PRKAR1B: variants seen among roughly 807,000 people sequenced by gnomAD.
PRKAR1B encodes protein kinase cAMP-dependent type I regulatory subunit beta.
Under a neutral mutation model 46.5 loss-of-function variants are expected in PRKAR1B, and 22 were observed. The observed-to-expected ratio is 0.47, with a 90% confidence interval of 0.34 to 0.68. The LOEUF (loss-of-function observed/expected upper bound fraction) is 0.68, where lower values mean the gene tolerates loss of function less well. PRKAR1B is among the 30% of genes least tolerant of loss of function. The pLI, the probability that PRKAR1B is intolerant of heterozygous loss-of-function variation, is 0.01. For missense variants in PRKAR1B, 445 were observed against 535.6 expected (o/e 0.83, Z 1.67); for synonymous variants, 259 against 217.7 (o/e 1.19, Z -1.67).
chr7:616,114 T>G (rs1049153186), intron 4 of PRKAR1B, among the ~76,000 whole-genome samples: 39 of 151,570 alleles, frequency 2.6e-4, no homozygotes, highest in Admixed American at 2.5e-3. Context: ...TGCCCGCGGG[T>G]GCACACGCAG....
chr7:714,893 T>G lies in PRKAR1B; in HGVS notation c.-22-3366A>C, dbSNP rs2128531884. On this transcript the variant is annotated intron_variant, in intron 1 of 10. Coordinates refer to ENST00000537384, the MANE Select transcript of PRKAR1B (RefSeq NM_001164760.2). This position sits in a 1 kb window ranked among gnomAD's most constrained non-coding sequence, Gnocchi z 4.3. ...TGGACTTCCCAATTATGTTCATCAA[T>G]AAATACCTTTGGCCGGATGCGGTGG... is the stretch of plus-strand genomic sequence containing the variant. Among the ~76,000 whole-genome samples, 1 of 152,278 alleles carries G rather than the reference T, an allele frequency of 6.6e-6. No homozygotes were observed. Among genetic ancestry groups the G allele is most frequent in the South Asian group, 2.1e-4 (1 of 4,818 alleles).
chr7:615,481 A>G (rs1380829781), intron 4 of PRKAR1B, among the ~76,000 whole-genome samples: 1 of 150,988 alleles, frequency 6.6e-6, no homozygotes, highest in Non-Finnish European at 1.5e-5. Context: ...GGAAAGAAAG[A>G]AGAGAAAAGA....
At chr7:664,999 T>G (rs1483538383) in intron 4 of PRKAR1B, among the ~76,000 whole-genome samples, 2 of 152,204 alleles carry the variant, frequency 1.3e-5, no homozygotes, top group African/African-American at 2.4e-5. Context: ...CTGGGGGAAG[T>G]GGTAAGAAAG....
rs8382 is a variant in PRKAR1B at position 550,149 on chromosome 7, G to A, written c.*281C>T. 9.3e-6 allele frequency: 4 copies of A among 427,960 alleles called. No individual in the cohort carries two copies. Among genetic ancestry groups the A allele is most frequent in the African/African-American group, 6.2e-5 (3 of 48,618 alleles). The allele number at this position is 427,960 out of a possible 1,614,324, so 26.5% of individuals were successfully genotyped here. A position where few individuals can be genotyped will look rare whatever the true frequency, so the allele number is the denominator to read the frequency against. On this transcript the variant is annotated 3_prime_UTR_variant, in exon 11 of 11. Transcript: ENST00000537384. The stretch of plus-strand genomic sequence containing the variant: ...GGCAGGGGTGGGGTGGGCCCCCCAG[G>A]AGAAGCCCACAGAGGCAGCCGGGGA...
intron 9 of PRKAR1B, among the ~76,000 whole-genome samples, chr7:551,907 C>T (rs80240937): frequency 5.0e-4 from 60 of 119,404 alleles, no homozygotes; most frequent in Middle Eastern, 0.012. Context: ...TCTCCAGAGC[C>T]ACTGCCACCA....
chr7:600,886 AT>A (rs1388494060), intron 6 of PRKAR1B, among the ~76,000 whole-genome samples: 38 of 152,390 alleles, frequency 2.5e-4, no homozygotes, highest in African/African-American at 9.1e-4. Context: ...ATTGGAAGAT[AT>A]TTTTATACTT....
intron 4 of PRKAR1B, among the ~76,000 whole-genome samples, chr7:654,622 C>T (rs1276256352): frequency 6.6e-6 from 1 of 151,966 alleles, no homozygotes; most frequent in Non-Finnish European, 1.5e-5. Context: ...TCACCATCCT[C>T]ATCACCTTCA....
intron 1 of PRKAR1B, among the ~76,000 whole-genome samples, chr7:726,115 T>A (rs539479900): frequency 6.6e-6 from 1 of 151,796 alleles, no homozygotes; most frequent in East Asian, 1.9e-4. Context: ...CTGCATGCAT[T>A]AAACTCTCTA....
At chr7:702,154 T>C (rs1217995069) in intron 2 of PRKAR1B, among the ~76,000 whole-genome samples, 2 of 152,098 alleles carry the variant, frequency 1.3e-5, no homozygotes, top group Non-Finnish European at 2.9e-5. Context: ...TTACTTGAAA[T>C]GGTAAAATAT....
intron 9 of PRKAR1B, among the ~76,000 whole-genome samples, chr7:571,634 G>A (rs527585496): frequency 2.6e-5 from 4 of 152,236 alleles, no homozygotes; most frequent in Non-Finnish European, 5.9e-5. Flanking sequence ...GGGAATTTCG[G>A]TCTCGGGATT....
At chr7:696,688 C>A (rs988975276) in intron 2 of PRKAR1B, 10 of 152,248 alleles carry the variant, frequency 6.6e-5, no homozygotes, top group African/African-American at 2.2e-4. Flanking sequence ...TTTGCAGGAA[C>A]CAGAAGCCGC....
At chr7:552,591 C>T (rs571879945) in intron 9 of PRKAR1B, among the ~76,000 whole-genome samples, 1 of 152,370 alleles carries the variant, frequency 6.6e-6, no homozygotes, top group African/African-American at 2.4e-5. Context: ...ATCTGAGCAC[C>T]GCGGGACCTG....
At chr7:607,242 G>C in intron 5 of PRKAR1B, 149 bp downstream of exon 5, 1 of 615,782 alleles carries the variant, frequency 1.6e-6, no homozygotes, top group South Asian at 2.0e-5. Flanking sequence ...TCGAACCCCT[G>C]ACCTCAGGTG....
chr7:607,650 A>C (rs1583293942), intron 4 of PRKAR1B, among the ~76,000 whole-genome samples, 198 bp from the exon 5 acceptor site: 2 of 152,360 alleles, frequency 1.3e-5, no homozygotes, highest in East Asian at 3.9e-4. Flanking sequence ...CCCTGGGCAC[A>C]CAACCTCCCA....
chr7:721,661 A>C lies in PRKAR1B; in HGVS notation c.-23+5549T>G, dbSNP rs145256941. On this transcript the variant is annotated intron_variant, in intron 1 of 10. Transcript: ENST00000537384. ...GAAATTCCGTCTCAAAAAAAAAAAA[A>C]ATTACCTTTCTGTTTACAGGGTATC... Among the ~76,000 whole-genome samples, 508 of 152,234 alleles carry C rather than the reference A, an allele frequency of 3.3e-3. 3 individuals are homozygous for C. The highest frequency in any genetic ancestry group is 0.012 in the African/African-American group (480 of 41,514).
chr7:713,692 C>T (rs1780772757), intron 1 of PRKAR1B, among the ~76,000 whole-genome samples: 1 of 152,190 alleles, frequency 6.6e-6, no homozygotes, highest in Admixed American at 6.5e-5. Flanking sequence ...CTCACCTGTC[C>T]AGCTTTCTTG....
intron 2 of PRKAR1B, chr7:696,902 G>T (rs1035002518): frequency 2.0e-4 from 30 of 152,392 alleles, no homozygotes; most frequent in African/African-American, 7.0e-4. Flanking sequence ...CTGCATGGGG[G>T]TGACCTCTCA....
At position 616,675 on chromosome 7, in the gene PRKAR1B, C is replaced by A. The variant is rs183901858; in HGVS notation, c.441-9223G>T. The stretch of plus-strand genomic sequence containing the variant: ...GAGGGTCCGTCGGCCTCCCTCCCTG[C>A]TGACGGCTACAACTTCACAGCCCAG... On this transcript the variant is annotated intron_variant, in intron 4 of 10. Coordinates refer to ENST00000537384, the MANE Select transcript of PRKAR1B (RefSeq NM_001164760.2). 1.1e-4 allele frequency among the ~76,000 whole-genome samples: 16 copies of A among 152,356 alleles called. No individual in the cohort carries two copies. In the East Asian group the frequency reaches 3.1e-3, roughly 29 times the overall value.
intron 6 of PRKAR1B, among the ~76,000 whole-genome samples, chr7:597,589 C>T (rs564648249): frequency 1.3e-5 from 2 of 152,312 alleles, no homozygotes; most frequent in African/African-American, 2.4e-5. Context: ...CCCACCCGCG[C>T]GTGCAGGGAT....
Sources: allele counts gnomAD v4.1 joint callset (sites outside exome capture counted in the v4.1 genomes callset), GRCh38; gene constraint gnomAD v4.1.1; non-coding constraint Gnocchi (gnomAD v3.1); transcripts MANE v1.5; gene names NCBI Gene and HGNC (gene_info 2026-07-23, HGNC 2026-07-21).